CHEK1: variants seen among roughly 807,000 people sequenced by gnomAD.
The protein encoded by CHEK1 is checkpoint kinase 1, also known as serine/threonine-protein kinase Chk1.
CHEK1 carries 32 observed loss-of-function variants against 60.2 expected under a neutral mutation model. The observed-to-expected ratio is 0.53, with a 90% CI of 0.40 to 0.71. CHEK1 has a LOEUF of 0.71. Among genes scored for constraint, CHEK1 ranks in the 30% least tolerant of loss-of-function variants. The pLI is 0.00. For missense variants in CHEK1, 399 were observed against 564.6 expected (o/e 0.71, Z 2.97); for synonymous variants, 179 against 187.2 (o/e 0.96, Z 0.36).
chr11:125,644,128 C>G lies in CHEK1; in HGVS notation c.961C>G (p.Pro321Ala). 6.2e-7 allele frequency: 1 copy of G among 1,613,896 alleles called. No homozygotes were observed. The highest frequency in any genetic ancestry group is 8.5e-7 in the Non-Finnish European group (1 of 1,179,980). The change falls in exon 10 of 13, where the codon CCC becomes GCC. Residue 321 changes from proline to alanine, a missense_variant. Coordinates refer to ENST00000438015, the MANE Select transcript of CHEK1 (RefSeq NM_001114122.3). ...NVKYSSSQPE[P>A]RTGLSLWDTS... ...GAAGTACTCCAGTTCTCAGCCAGAA[C>G]CCCGCACAGGTCTTTCCTTATGGGA... is the stretch of plus-strand genomic sequence containing the variant.
chr11:125,672,702 A>T (rs1942259866), intron 13 of CHEK1: 1 of 1,614,086 alleles, frequency 6.2e-7, no homozygotes, highest in Non-Finnish European at 8.5e-7. Flanking sequence ...TTGAACCATG[A>T]ATTGGAGTTT....
chr11:125,668,506 A>G (rs1302249512), intron 13 of CHEK1, among the ~76,000 whole-genome samples: 1 of 151,886 alleles, frequency 6.6e-6, no homozygotes, highest in Non-Finnish European at 1.5e-5. Context: ...GGTTTTTTAA[A>G]ATTTCATTTT....
downstream of CHEK1, chr11:125,681,066 A>G (rs1200674031): frequency 4.8e-6 from 1 of 207,848 alleles, no homozygotes; most frequent in Non-Finnish European, 9.5e-6. The surrounding 1 kb of genome is among the most constrained non-coding windows in gnomAD (Gnocchi z 4.2). Context: ...CTATCTTTAA[A>G]AAAAAAAAAA....
intron 13 of CHEK1, among the ~76,000 whole-genome samples, chr11:125,668,859 C>T (rs1429615862): frequency 1.3e-5 from 2 of 152,148 alleles, no homozygotes; most frequent in African/African-American, 4.8e-5. Flanking sequence ...CCCCAGCCTT[C>T]ATTTTATTTA....
intron 13 of CHEK1, among the ~76,000 whole-genome samples, chr11:125,667,354 G>A (rs1565389610): frequency 2.6e-5 from 4 of 152,140 alleles, no homozygotes; most frequent in Non-Finnish European, 4.4e-5. Context: ...TTTCATGGCT[G>A]CATATTATTC....
intron 8 of CHEK1, 81 bp from the exon 9 acceptor site, chr11:125,643,711 C>T (rs1941388786): frequency 2.9e-6 from 3 of 1,028,510 alleles, no homozygotes; most frequent in South Asian, 3.4e-5. Context: ...AGTTTTACTT[C>T]TTCAAGTTGC....
In CHEK1 at chr11:125,644,276, A is replaced by T; in HGVS notation, c.1101+8A>T. 1 of 1,595,664 alleles carries T rather than the reference A, an allele frequency of 6.3e-7. No homozygotes were observed. The highest frequency in any genetic ancestry group is 8.5e-7 in the Non-Finnish European group (1 of 1,174,956). On this transcript the variant is annotated splice_region_variant and intron_variant, in intron 10 of 12. Transcript: ENST00000438015. Reference sequence around the variant, plus strand: ...ACCCCAGGATCCTCACAGGTGAGGGAATTTAATTTTTTAAAAGTAATGGCA... The same window carrying T: ...ACCCCAGGATCCTCACAGGTGAGGGTATTTAATTTTTTAAAAGTAATGGCA...
chr11:125,676,439 T>G, downstream of CHEK1: 1 of 1,614,172 alleles, frequency 6.2e-7, no homozygotes, highest in Non-Finnish European at 8.5e-7. Context: ...TTTTCCTTGA[T>G]CATTCATATA....
At chr11:125,629,540 A>G (rs1456346358) in intron 5 of CHEK1, 80 bp downstream of exon 5, 4 of 1,060,118 alleles carry the variant, frequency 3.8e-6, no homozygotes, top group South Asian at 3.4e-5. Context: ...TTATTTTAAT[A>G]TAGCCATACA....
At chr11:125,667,067 G>A (rs760687937) in intron 13 of CHEK1, among the ~76,000 whole-genome samples, 2 of 151,724 alleles carry the variant, frequency 1.3e-5, no homozygotes, top group African/African-American at 2.4e-5. Context: ...ATAATTTCAC[G>A]ATGCTGAGGC....
intron 13 of CHEK1, among the ~76,000 whole-genome samples, chr11:125,675,641 AAC>A (rs1201781604): frequency 2.0e-5 from 3 of 152,208 alleles, no homozygotes; most frequent in Non-Finnish European, 2.9e-5. Flanking sequence ...GTAACCTGTG[AAC>A]ACAGACTTGT....
At chr11:125,668,507 A>T (rs1942139454) in intron 13 of CHEK1, among the ~76,000 whole-genome samples, 1 of 151,944 alleles carries the variant, frequency 6.6e-6, no homozygotes, top group African/African-American at 2.4e-5. Context: ...GTTTTTTAAA[A>T]TTTCATTTTA....
rs988996949 is a variant in CHEK1 at position 125,633,110 on chromosome 11, A to G, written c.425-53A>G. On this transcript the variant is annotated intron_variant, in intron 5 of 12. Coordinates refer to ENST00000438015, the MANE Select transcript of CHEK1 (RefSeq NM_001114122.3). Reference sequence around the variant, plus strand: ...AGTAAAACTTAATTCCTGTAAGTATATCTATTTGCAAAACATTTTTATTCA... The same window carrying G: ...AGTAAAACTTAATTCCTGTAAGTATGTCTATTTGCAAAACATTTTTATTCA... 2.7e-6 allele frequency: 4 copies of G among 1,483,694 alleles called. No homozygotes were observed. The Admixed American group carries it at 1.0e-4, about 37-fold the overall frequency. The allele number at this position is 1,483,694 out of a possible 1,614,324, so 91.9% of individuals were successfully genotyped here.
chr11:125,670,425 G>A (rs564894552), intron 13 of CHEK1, among the ~76,000 whole-genome samples: 43 of 152,246 alleles, frequency 2.8e-4, no homozygotes, highest in African/African-American at 1.0e-3. Flanking sequence ...AGTAGACATA[G>A]TAAATGAGGA....
intron 13 of CHEK1, among the ~76,000 whole-genome samples, chr11:125,668,536 A>T (rs1037321477): frequency 1.3e-5 from 2 of 151,542 alleles, no homozygotes; most frequent in Non-Finnish European, 2.9e-5. Context: ...TTTTTAATTA[A>T]TTATTTATTT....
chr11:125,627,468 A>G lies in CHEK1; in HGVS notation c.66-139A>G, dbSNP rs561947683. The G allele has an allele frequency of 1.7e-3, 1,124 of 652,948 alleles. 6 individuals carry two copies. The highest frequency in any genetic ancestry group is 0.014 in the South Asian group (684 of 48,970). The allele number at this position is 652,948 out of a possible 1,614,324, so 40.4% of individuals were successfully genotyped here. A position where few individuals can be genotyped will look rare whatever the true frequency, so the allele number is the denominator to read the frequency against. Reference sequence around the variant, plus strand: ...GAAAAGAGTAGTGTGTGTTGAGAACATAGCAGAAACCACTTCCTTGGTTTC... The same window carrying G: ...GAAAAGAGTAGTGTGTGTTGAGAACGTAGCAGAAACCACTTCCTTGGTTTC... On this transcript the variant is annotated intron_variant, in intron 2 of 12. Transcript: ENST00000438015.
In CHEK1 at chr11:125,656,756, TC is replaced by T. The variant is rs938480103; in HGVS notation, c.*1438del. 4.7e-6 allele frequency: 1 copy of T among 215,030 alleles called. No homozygotes were observed. Among genetic ancestry groups the T allele is most frequent in the Admixed American group, 5.8e-5 (1 of 17,134 alleles). The allele number at this position is 215,030 out of a possible 1,614,324, so 13.3% of individuals were successfully genotyped here. ...TTTTGATTCCTGTTCTCCAACCTGTTCCTCTCCTAGTTTTCTCCATCTCAGA... is the reference window on the plus strand; with the variant it reads ...TTTTGATTCCTGTTCTCCAACCTGTTCTCTCCTAGTTTTCTCCATCTCAGA... On this transcript the variant is annotated 3_prime_UTR_variant, in exon 13 of 13. Transcript: ENST00000438015.
chr11:125,672,486 A>G (rs917184254), intron 13 of CHEK1: 1 of 1,310,922 alleles, frequency 7.6e-7, no homozygotes, highest in Non-Finnish European at 1.1e-6. Flanking sequence ...AGGCAGAGGC[A>G]GATGTGGTCA....
intron 5 of CHEK1, among the ~76,000 whole-genome samples, chr11:125,631,825 A>G (rs1448218813): frequency 2.2e-5 from 3 of 136,422 alleles, no homozygotes; most frequent in Admixed American, 8.0e-5. Context: ...TCACATCACT[A>G]CACTCTAGTC....
Sources: gnomAD v4.1 joint callset for allele counts (sites outside exome capture counted in the v4.1 genomes callset) on GRCh38, gnomAD v4.1.1 for gene constraint, Gnocchi (gnomAD v3.1) non-coding constraint, MANE v1.5 for transcripts, NCBI Gene and HGNC (gene_info 2026-07-23, HGNC 2026-07-21) for gene names.